HPSE2: variants seen among roughly 807,000 people sequenced by gnomAD.
HPSE2 encodes heparanase 2 (inactive).
HPSE2 carries 38 observed loss-of-function variants against 60.5 expected under a neutral mutation model. That is an observed-to-expected ratio of 0.63 (90% confidence interval 0.48 to 0.82). HPSE2 has a LOEUF of 0.82. Among genes scored for constraint, HPSE2 ranks in the 40% least tolerant of loss-of-function variants. HPSE2 has a pLI of 0.00. For synonymous variants in HPSE2, 295 were observed against 293.2 expected (o/e 1.01, Z -0.06); for missense variants, 713 against 740.4 (o/e 0.96, Z 0.43).
intron 2 of HPSE2, among the ~76,000 whole-genome samples, chr10:99,184,522 C>CAAAAAAAAAAAAAAAAAAAAAAAAAA (rs200059066): frequency 1.6e-5 from 1 of 60,788 alleles, no homozygotes; most frequent in Admixed American, 2.0e-4. Flanking sequence ...GAGACTGTCT[C>CAAAAAAAAAAAAAAAAAAAAAAAAAA]AAAAAAAAAA....
chr10:98,591,672 AAAATAAAAT>A (rs1945094912), intron 9 of HPSE2, among the ~76,000 whole-genome samples: 1 of 117,240 alleles, frequency 8.5e-6, no homozygotes, highest in East Asian at 2.5e-4. Flanking sequence ...AAAATAAAAT[AAAATAAAAT>A]AAATAAATAA....
At chr10:98,642,738 G>A (rs1213753979) in intron 6 of HPSE2, among the ~76,000 whole-genome samples, 3 of 152,174 alleles carry the variant, frequency 2.0e-5, no homozygotes, top group South Asian at 2.1e-4. Flanking sequence ...GGCTGACACA[G>A]GGTTAGGTGA....
In HPSE2 at chr10:98,776,769, T is replaced by A. The variant is rs373176371; in HGVS notation, c.611-32713A>T. Among the ~76,000 whole-genome samples, 498 of 152,296 alleles carry A rather than the reference T, an allele frequency of 3.3e-3. 2 individuals carry two copies. Among genetic ancestry groups the A allele is most frequent in the Middle Eastern group, 6.8e-3 (2 of 294 alleles). On this transcript the variant is annotated intron_variant, in intron 3 of 11. Transcript: ENST00000370552. ...AATAGCCAGCATACACATTATTGAA[T>A]AATTAGGAAAAATTAGTATACAAAC...
chr10:99,200,567 A>G (rs1444124335), intron 2 of HPSE2, among the ~76,000 whole-genome samples: 1 of 152,122 alleles, frequency 6.6e-6, no homozygotes, highest in Non-Finnish European at 1.5e-5. Flanking sequence ...TAAAAATGGT[A>G]CCTACCTCAT....
chr10:99,131,400 C>A (rs1845378466), intron 3 of HPSE2, among the ~76,000 whole-genome samples: 1 of 152,110 alleles, frequency 6.6e-6, no homozygotes, highest in Admixed American at 6.5e-5. Context: ...TTTATAGCAG[C>A]ACAATTTGCA....
intron 1 of HPSE2, among the ~76,000 whole-genome samples, chr10:99,233,121 T>A (rs1214712337): frequency 2.0e-5 from 3 of 152,234 alleles, no homozygotes; most frequent in Non-Finnish European, 4.4e-5. Flanking sequence ...TTGTAAAAAC[T>A]GCATTGTTTC....
intron 7 of HPSE2, among the ~76,000 whole-genome samples, chr10:98,636,235 GT>G (rs60736023): frequency 0.67 from 98,212 of 147,046 alleles, 34,906 homozygotes; most frequent in Non-Finnish European, 0.8. Flanking sequence ...GAATTATCCT[GT>G]TTTTTTTTTT....
chr10:98,885,316 T>C (rs957082686), intron 3 of HPSE2, among the ~76,000 whole-genome samples: 8 of 152,180 alleles, frequency 5.3e-5, no homozygotes, highest in Non-Finnish European at 1.0e-4. Context: ...TCTCTTGAGA[T>C]GGAAACTATT....
chr10:98,912,374 T>G (rs984800960), intron 3 of HPSE2, among the ~76,000 whole-genome samples: 1 of 152,194 alleles, frequency 6.6e-6, no homozygotes, highest in African/African-American at 2.4e-5. Flanking sequence ...TGGCTAAAGA[T>G]TCTCCATTCA....
intron 3 of HPSE2, among the ~76,000 whole-genome samples, chr10:98,879,331 G>C (rs1212643101): frequency 6.6e-6 from 1 of 152,036 alleles, no homozygotes; most frequent in African/African-American, 2.4e-5. Context: ...TCTGCATGCT[G>C]TAAGAGATGC....
intron 9 of HPSE2, among the ~76,000 whole-genome samples, chr10:98,606,417 G>C (rs1241148427): frequency 6.6e-6 from 1 of 152,192 alleles, no homozygotes; most frequent in African/African-American, 2.4e-5. Flanking sequence ...GGAATCTCTG[G>C]GGTTGGTGCC....
At chr10:99,083,448 G>A (rs182943730) in intron 3 of HPSE2, among the ~76,000 whole-genome samples, 11 of 152,260 alleles carry the variant, frequency 7.2e-5, no homozygotes, top group Non-Finnish European at 1.6e-4. Context: ...GTGAAAAATA[G>A]GGCATTTCCA....
chr10:99,132,239 GAGAGAA>G (rs1416678210), intron 3 of HPSE2, among the ~76,000 whole-genome samples: 1 of 54,320 alleles, frequency 1.8e-5, no homozygotes, highest in African/African-American at 4.2e-5. Context: ...GAGAGAGAGA[GAGAGAA>G]AGAAAGAAAG....
At chr10:99,235,471 T>C in intron 1 of HPSE2, 42 bp downstream of exon 1, 1 of 1,593,246 alleles carries the variant, frequency 6.3e-7, no homozygotes. Flanking sequence ...GAGGGGGTGT[T>C]ACTAAAAAAT....
intron 11 of HPSE2, among the ~76,000 whole-genome samples, chr10:98,460,393 G>A (rs1164284273): frequency 1.3e-5 from 2 of 152,098 alleles, no homozygotes; most frequent in Non-Finnish European, 2.9e-5. Flanking sequence ...TTGGGAGGCT[G>A]AAGAGGGAGG....
chr10:98,909,432 T>A (rs1285090227), intron 3 of HPSE2, among the ~76,000 whole-genome samples: 2 of 151,116 alleles, frequency 1.3e-5, no homozygotes, highest in African/African-American at 4.9e-5. Flanking sequence ...AGTTCAAGAC[T>A]AGTCTGGCCA....
At chr10:98,518,593 G>C (rs1299350286) in intron 9 of HPSE2, among the ~76,000 whole-genome samples, 5 of 151,974 alleles carry the variant, frequency 3.3e-5, no homozygotes, top group Non-Finnish European at 5.9e-5. Flanking sequence ...TGTAATCCCA[G>C]CTAACTAGGA....
At chr10:98,858,041 C>T (rs571161002) in intron 3 of HPSE2, among the ~76,000 whole-genome samples, 5 of 152,254 alleles carry the variant, frequency 3.3e-5, no homozygotes, top group African/African-American at 1.2e-4. Context: ...AAGTATCATA[C>T]ATTATCTCAT....
chr10:99,122,538 G>GA (rs1310290888), intron 3 of HPSE2, among the ~76,000 whole-genome samples: 1 of 151,340 alleles, frequency 6.6e-6, no homozygotes, highest in Non-Finnish European at 1.5e-5. Context: ...CTTTACACCA[G>GA]AAAAAAACTT....
Sources: gnomAD v4.1 joint callset for allele counts (sites outside exome capture counted in the v4.1 genomes callset) on GRCh38, gnomAD v4.1.1 for gene constraint, MANE v1.5 for transcripts, NCBI Gene and HGNC (gene_info 2026-07-23, HGNC 2026-07-21) for gene names.